PCDHGA2: variants seen among roughly 807,000 people sequenced by gnomAD.
The protein encoded by PCDHGA2 is protocadherin gamma-A2.
PCDHGA2 carries 40 observed loss-of-function variants against 59.2 expected under a neutral mutation model. The ratio of observed to expected loss-of-function variants is 0.68; its 90% CI spans 0.52 to 0.88. The LOEUF (loss-of-function observed/expected upper bound fraction) is 0.88, where lower values mean the gene tolerates loss of function less well. Among genes scored for constraint, PCDHGA2 ranks in the 40% least tolerant of loss-of-function variants. PCDHGA2 has a pLI of 0.00. For missense variants in PCDHGA2, 1,226 were observed against 1,204.0 expected (o/e 1.02, Z -0.27); for synonymous variants, 560 against 526.0 (o/e 1.06, Z -0.89).
At chr5:141,471,801 CAT>C (rs1165290367) in intron 1 of PCDHGA2, among the ~76,000 whole-genome samples, 1 of 152,114 alleles carries the variant, frequency 6.6e-6, no homozygotes, top group African/African-American at 2.4e-5. Context: ...ATATAAAAGA[CAT>C]ATAAAAGACT....
intron 1 of PCDHGA2, chr5:141,421,722 G>C: frequency 6.2e-7 from 1 of 1,613,972 alleles, no homozygotes; most frequent in Non-Finnish European, 8.5e-7. Flanking sequence ...ATGTGGGCGT[G>C]AACTCCCTCC....
chr5:141,405,351 C>G, intron 1 of PCDHGA2: 1 of 1,614,080 alleles, frequency 6.2e-7, no homozygotes, highest in Non-Finnish European at 8.5e-7. Flanking sequence ...TCCAAGTTTC[C>G]TATAGAAGAC....
At chr5:141,362,001 C>T in intron 1 of PCDHGA2, 3 of 1,603,878 alleles carry the variant, frequency 1.9e-6, no homozygotes, top group South Asian at 1.1e-5. Flanking sequence ...TGGGGTTGCG[C>T]ACGGGTGAGG....
At chr5:141,388,993 G>C (rs778336882) in intron 1 of PCDHGA2, 1 of 1,614,026 alleles carries the variant, frequency 6.2e-7, no homozygotes, top group South Asian at 1.1e-5. Context: ...CTCAAAGTCC[G>C]TGACAAGGAT....
At chr5:141,423,940 G>T in intron 1 of PCDHGA2, 1 of 1,217,216 alleles carries the variant, frequency 8.2e-7, no homozygotes, top group Non-Finnish European at 1.0e-6. Context: ...TTTGAAGTAA[G>T]TTGAATTTTA....
At chr5:141,507,852 T>C (rs556569001) in intron 3 of PCDHGA2, among the ~76,000 whole-genome samples, 25 of 152,118 alleles carry the variant, frequency 1.6e-4, no homozygotes, top group Non-Finnish European at 2.6e-4. Context: ...CTGCTCTCAC[T>C]TTCACACCCG....
chr5:141,362,771 G>A (rs1239836690), intron 1 of PCDHGA2: 4 of 615,552 alleles, frequency 6.5e-6, no homozygotes, highest in African/African-American at 1.9e-5. Context: ...ATGAGATATT[G>A]CACTGTATTT....
chr5:141,350,982 A>C (rs562278000), intron 1 of PCDHGA2: 1 of 1,614,086 alleles, frequency 6.2e-7, no homozygotes, highest in Admixed American at 1.7e-5. Context: ...GTGTTTAGCC[A>C]GGAGGTATAC....
chr5:141,373,366 A>T (rs1309577062), intron 1 of PCDHGA2, among the ~76,000 whole-genome samples: 1 of 152,214 alleles, frequency 6.6e-6, no homozygotes, highest in Non-Finnish European at 1.5e-5. Context: ...ACTGTAATGA[A>T]TTGGTTCAAA....
chr5:141,415,404 C>A lies in PCDHGA2; in HGVS notation c.2424+74009C>A, dbSNP rs199662613. On this transcript the variant is annotated intron_variant, in intron 1 of 3. Transcript: ENST00000394576. ...GCTTGACAGGTGTGTCCGGCTCGCA[C>A]TTTGTGGGCGTGGACGGGGTTCGGG... The A allele has an allele frequency of 2.2e-4, 363 of 1,614,238 alleles. 1 individual carries two copies. Among genetic ancestry groups the A allele is most frequent in the Non-Finnish European group, 6.8e-6 (8 of 1,180,048 alleles).
intron 1 of PCDHGA2, among the ~76,000 whole-genome samples, chr5:141,488,938 A>T (rs1195859645): frequency 6.6e-6 from 1 of 152,154 alleles, no homozygotes; most frequent in East Asian, 1.9e-4. Context: ...AGGAAACTCC[A>T]TAATTGGTTG....
At position 141,361,194 on chromosome 5, in the gene PCDHGA2, T is replaced by TA. The variant is rs755692638; in HGVS notation, c.2424+19800dup. ...CTGAAGTTATTGTGACTTCAGTATC[T>TA]ACTCCCCTACCGGAGGATTCGCCAC... is the stretch of plus-strand genomic sequence containing the variant. On this transcript the variant is annotated intron_variant, in intron 1 of 3. Transcript: ENST00000394576. The TA allele has an allele frequency of 9.9e-6, 16 of 1,613,986 alleles. No homozygotes were observed. In the South Asian group the frequency reaches 1.8e-4, roughly 18 times the overall value.
intron 1 of PCDHGA2, among the ~76,000 whole-genome samples, chr5:141,457,005 A>T (rs2098903361): frequency 6.6e-6 from 1 of 152,146 alleles, no homozygotes; most frequent in Admixed American, 6.5e-5. Flanking sequence ...TGCATTACTA[A>T]ATCCAATAAA....
chr5:141,465,611 C>T (rs1393170181), intron 1 of PCDHGA2, among the ~76,000 whole-genome samples: 1 of 152,178 alleles, frequency 6.6e-6, no homozygotes, highest in African/African-American at 2.4e-5. Context: ...CTCTTTGGCC[C>T]TCCAGGAAGT....
chr5:141,473,186 T>C (rs984810414), intron 1 of PCDHGA2, among the ~76,000 whole-genome samples: 1 of 152,134 alleles, frequency 6.6e-6, no homozygotes, highest in African/African-American at 2.4e-5. Flanking sequence ...CTTGAAGGAG[T>C]AAATGTATCT....
At chr5:141,375,681 C>T in intron 1 of PCDHGA2, 4 of 1,614,270 alleles carry the variant, frequency 2.5e-6, no homozygotes, top group Non-Finnish European at 3.4e-6. Flanking sequence ...CTGTGGGTGA[C>T]AGCCAGCGAC....
At chr5:141,390,887 T>A (rs547559021) in intron 1 of PCDHGA2, 2,724 of 151,184 alleles carry the variant, frequency 0.018, 30 homozygotes, top group African/African-American at 0.021. Flanking sequence ...TGTGTGTGTG[T>A]GAGAGAGATC....
At chr5:141,418,337 C>G (rs1308299122) in intron 1 of PCDHGA2, 1 of 1,613,972 alleles carries the variant, frequency 6.2e-7, no homozygotes, top group East Asian at 2.2e-5. Context: ...TGCAGAAGAT[C>G]CTGATATTAG....
rs201139834 is a variant in PCDHGA2 at position 141,371,333 on chromosome 5, T to G, written c.2424+29938T>G. ...GAGAACTGGACTTTGAAGAGAGAGA[T>G]AGCTACACAATTGGGGTGGAAGCAA... On this transcript the variant is annotated intron_variant, in intron 1 of 3. Transcript: ENST00000394576. 80 of 1,613,850 alleles carry G rather than the reference T, an allele frequency of 5.0e-5. No homozygotes were observed. The East Asian group carries it at 1.7e-3, about 34-fold the overall frequency.
Sources: gnomAD v4.1 joint callset for allele counts (sites outside exome capture counted in the v4.1 genomes callset) on GRCh38, gnomAD v4.1.1 for gene constraint, MANE v1.5 for transcripts, NCBI Gene and HGNC (gene_info 2026-07-23, HGNC 2026-07-21) for gene names.